MDN1: variants seen among roughly 807,000 people sequenced by gnomAD.
The protein encoded by MDN1 is midasin AAA ATPase 1.
A neutral mutation model predicts 669.2 loss-of-function variants in MDN1; 266 were observed. The observed-to-expected ratio is 0.40, with a 90% confidence interval of 0.36 to 0.44. MDN1 has a LOEUF of 0.44. MDN1 is among the 20% of genes least tolerant of loss of function. The pLI is 1.00. For synonymous variants in MDN1, 2,385 were observed against 2,457.1 expected (o/e 0.97, Z 0.87); for missense variants, 5,940 against 6,754.0 (o/e 0.88, Z 4.22).
intron 75 of MDN1, 42 bp downstream of exon 75, chr6:89,678,557 G>A (rs1811389860): frequency 5.0e-6 from 8 of 1,599,786 alleles, no homozygotes; most frequent in Non-Finnish European, 6.0e-6. Context: ...CTCCCTAAAA[G>A]TTGGTGACTA....
intron 74 of MDN1, 145 bp downstream of exon 74, chr6:89,680,444 G>T: frequency 2.2e-6 from 2 of 912,472 alleles, no homozygotes; most frequent in Non-Finnish European, 3.2e-6. Context: ...GAGCTCTGTG[G>T]GTTTTTAAGC....
chr6:89,701,933 G>C lies in MDN1; in HGVS notation c.8277C>G (p.Ile2759Met). Residue 2759 changes from isoleucine (I) to methionine (M), a missense_variant, in exon 54 of 102, where the codon ATC becomes ATG. By Grantham distance (10) the Ile-to-Met change is conservative. This residue lies in a region of MDN1 where 2,292 missense variants were observed against 2,638.3 expected (regional missense o/e 0.87). Coordinates refer to ENST00000369393, the MANE Select transcript of MDN1 (RefSeq NM_014611.3). The part of the protein sequence containing the change: ...HWVLKHLVHQ[I>M]PRLLMNYEDK... Reference sequence around the variant, plus strand: ...CTTCATAATTCATCAGAAGTCGGGGGATCTGGTGGACCAGATGTTTTAAAA... The same window carrying C: ...CTTCATAATTCATCAGAAGTCGGGGCATCTGGTGGACCAGATGTTTTAAAA... 1.2e-6 allele frequency: 2 copies of C among 1,613,348 alleles called. No homozygotes were observed.
intron 86 of MDN1, 139 bp downstream of exon 86, chr6:89,662,653 G>C (rs1486075861): frequency 3.8e-6 from 4 of 1,047,984 alleles, no homozygotes; most frequent in Admixed American, 2.7e-5. Flanking sequence ...AGATAGGATA[G>C]AAAAAAGAAA....
intron 15 of MDN1, among the ~76,000 whole-genome samples, chr6:89,770,483 A>G (rs1373755225): frequency 1.3e-5 from 2 of 152,162 alleles, no homozygotes; most frequent in Non-Finnish European, 2.9e-5. Flanking sequence ...ATATATTAAT[A>G]AGAACAGATT....
intron 5 of MDN1, among the ~76,000 whole-genome samples, chr6:89,792,114 C>T (rs914608519): frequency 1.3e-5 from 2 of 151,888 alleles, no homozygotes; most frequent in African/African-American, 4.8e-5. Context: ...GTGATCTGCC[C>T]GCCTCGGCCT....
chr6:89,761,691 T>A lies in MDN1; in HGVS notation c.2414A>T (p.Gln805Leu). ...AFGLRLNHAQ[Q>L]QMKMTENTLL... ...GGTATTTTCAGTCATTTTCATCTGT[T>A]GTTGGGCATGGTTGAGTCTAAGACC... Residue 805 changes from glutamine to leucine, a missense_variant, in exon 17 of 102, where the codon CAA (glutamine) becomes CTA (leucine). Gln to Leu is a moderately radical substitution (Grantham distance 113). Coordinates refer to ENST00000369393, the MANE Select transcript of MDN1 (RefSeq NM_014611.3). The A allele has an allele frequency of 6.2e-7, 1 of 1,613,016 alleles. No homozygotes were observed. The highest frequency in any genetic ancestry group is 8.5e-7 in the Non-Finnish European group (1 of 1,179,504).
At chr6:89,787,552 T>C (rs1819030243) in intron 8 of MDN1, among the ~76,000 whole-genome samples, 1 of 152,166 alleles carries the variant, frequency 6.6e-6, no homozygotes, top group South Asian at 2.1e-4. Context: ...TAAGTAGCAG[T>C]GTCAGGACTC....
chr6:89,643,757 G>A lies in MDN1; in HGVS notation c.*248C>T, dbSNP rs1018889656. The A allele has an allele frequency of 6.8e-5, 25 of 365,824 alleles. No homozygotes were observed. The Admixed American group carries it at 1.0e-3, about 15-fold the overall frequency. The allele number at this position is 365,824 out of a possible 1,614,324, so 22.7% of individuals were successfully genotyped here. On this transcript the variant is annotated 3_prime_UTR_variant, in exon 102 of 102. Coordinates refer to ENST00000369393, the MANE Select transcript of MDN1 (RefSeq NM_014611.3). ...CCTCCTCCCAGGCCAGGGCTTCCAA[G>A]GCAGGGAAGAAGGATAACTCTTCTC... is the stretch of plus-strand genomic sequence containing the variant.
rs551122194 is a variant in MDN1, at chr6:89,672,106, C to G, written c.13794+94G>C. The G allele has an allele frequency of 3.7e-6, 5 of 1,343,134 alleles. No homozygotes were observed. The South Asian group carries it at 8.2e-5, about 22-fold the overall frequency. The allele number at this position is 1,343,134 out of a possible 1,614,324, so 83.2% of individuals were successfully genotyped here. A position where few individuals can be genotyped will look rare whatever the true frequency, so the allele number is the denominator to read the frequency against. ...AGTGATTTTGGCACTGAGGCCTGCT[C>G]TGGCACTTATCTACGTGGAGGGAAG... is the stretch of plus-strand genomic sequence containing the variant. On this transcript the variant is annotated intron_variant, in intron 82 of 101. Coordinates refer to ENST00000369393, the MANE Select transcript of MDN1 (RefSeq NM_014611.3).
Position 89,724,004 on chromosome 6 carries a change from A to T in MDN1, c.5671-385T>A, listed in dbSNP as rs370418093. On this transcript the variant is annotated intron_variant, in intron 38 of 101. Coordinates refer to ENST00000369393, the MANE Select transcript of MDN1 (RefSeq NM_014611.3). Reference sequence around the variant, plus strand: ...CTAAAAATACAAAAATTAGCTGGGCATAGTGGCATGCGCCTGTAGTCTCAG... The same window carrying T: ...CTAAAAATACAAAAATTAGCTGGGCTTAGTGGCATGCGCCTGTAGTCTCAG... Among the ~76,000 whole-genome samples the T allele has an allele frequency of 5.3e-5, 8 of 152,192 alleles. No individual in the cohort carries two copies. The East Asian group carries it at 9.8e-4, about 19-fold the overall frequency.
rs778641312 is a variant in MDN1 at position 89,751,411 on chromosome 6, C to T, written c.3227+20G>A. 11 of 1,613,504 alleles carry T rather than the reference C, an allele frequency of 6.8e-6. No homozygotes were observed. Among genetic ancestry groups the T allele is most frequent in the Admixed American group, 5.0e-5 (3 of 59,970 alleles). On this transcript the variant is annotated intron_variant, in intron 23 of 101. Transcript: ENST00000369393. ...TATGCCTGTATCAAGTTCGGGGCAG[C>T]GAGAAAAAAGCCCACACACCCTGCA...
At chr6:89,783,708 G>A (rs750674963) in intron 9 of MDN1, among the ~76,000 whole-genome samples, 3 of 152,036 alleles carry the variant, frequency 2.0e-5, no homozygotes, top group Non-Finnish European at 2.9e-5. Flanking sequence ...TGGGCATCAC[G>A]GTCCTACCAA....
chr6:89,757,475 A>G (rs1378583325), intron 19 of MDN1, among the ~76,000 whole-genome samples: 2 of 152,242 alleles, frequency 1.3e-5, no homozygotes, highest in Non-Finnish European at 2.9e-5. Flanking sequence ...CACAAAGGGA[A>G]AAATTCTCCA....
intron 11 of MDN1, among the ~76,000 whole-genome samples, chr6:89,779,991 A>C (rs1311727902): frequency 6.6e-6 from 1 of 151,982 alleles, no homozygotes; most frequent in East Asian, 1.9e-4. Flanking sequence ...GCTTGAACCC[A>C]GAAGGTGGAG....
At chr6:89,815,027 C>T in intron 1 of MDN1, 1 of 574,790 alleles carries the variant, frequency 1.7e-6, no homozygotes. Flanking sequence ...CAGGTGAAGG[C>T]CAGGAGGAGG....
chr6:89,770,348 G>A (rs1465017622), intron 15 of MDN1, among the ~76,000 whole-genome samples: 22 of 147,014 alleles, frequency 1.5e-4, no homozygotes, highest in Non-Finnish European at 1.5e-5. Context: ...AGGTTGCAGT[G>A]AGCAGAGATC....
chr6:89,701,849 A>G (rs939790126), intron 54 of MDN1, 55 bp downstream of exon 54: 1 of 1,564,346 alleles, frequency 6.4e-7, no homozygotes, highest in Admixed American at 1.9e-5. Context: ...TCCAAATCTT[A>G]TCCTTAACAT....
At chr6:89,744,323 G>C (rs538653887) in intron 29 of MDN1, among the ~76,000 whole-genome samples, 3 of 152,270 alleles carry the variant, frequency 2.0e-5, no homozygotes, top group Non-Finnish European at 4.4e-5. Flanking sequence ...GCTCATGCCT[G>C]TAATCCCAAC....
At position 89,655,719 on chromosome 6, in the gene MDN1, T is replaced by C. The variant is rs767131454; in HGVS notation, c.15490+45A>G. On this transcript the variant is annotated intron_variant, in intron 92 of 101. Transcript: ENST00000369393. ...ATAGGTCACATAGCACAAGCTCTCATAGAGAGCTCAGTGGGCAAAGGCAGC... is the reference window on the plus strand; with the variant it reads ...ATAGGTCACATAGCACAAGCTCTCACAGAGAGCTCAGTGGGCAAAGGCAGC... 2.0e-5 allele frequency: 30 copies of C among 1,496,114 alleles called. No homozygotes were observed. Among genetic ancestry groups the C allele is most frequent in the Non-Finnish European group, 2.6e-5 (28 of 1,097,652 alleles). The allele number at this position is 1,496,114 out of a possible 1,614,324, so 92.7% of individuals were successfully genotyped here.
Sources: allele counts gnomAD v4.1 joint callset (sites outside exome capture counted in the v4.1 genomes callset), GRCh38; gene constraint gnomAD v4.1.1; regional missense constraint gnomAD v4.1.1; transcripts MANE v1.5; gene names NCBI Gene and HGNC (gene_info 2026-07-23, HGNC 2026-07-21).